CFAP161: variants seen among roughly 807,000 people sequenced by gnomAD.
The protein encoded by CFAP161 is cilia- and flagella-associated protein 161.
CFAP161 carries 25 observed loss-of-function variants against 29.0 expected under a neutral mutation model. The ratio of observed to expected loss-of-function variants is 0.86; its 90% confidence interval spans 0.63 to 1.20. CFAP161 has a LOEUF of 1.20. CFAP161 is among the 50% of genes most tolerant of loss of function. The pLI is 0.00. For synonymous variants in CFAP161, 116 were observed against 137.4 expected (o/e 0.84, Z 1.09); for missense variants, 367 against 371.9 (o/e 0.99, Z 0.11).
At chr15:81,148,009 T>G in intron 6 of CFAP161, 78 bp downstream of exon 6, 2 of 1,152,408 alleles carry the variant, frequency 1.7e-6, no homozygotes, top group Non-Finnish European at 1.3e-6. Flanking sequence ...GCTCAATTGA[T>G]AGTGTATGGC....
intron 4 of CFAP161, 58 bp from the exon 5 acceptor site, chr15:81,143,604 T>C: frequency 6.5e-7 from 1 of 1,550,374 alleles, no homozygotes; most frequent in Non-Finnish European, 8.8e-7. Flanking sequence ...ATTGCTTCTT[T>C]ATTCTCCAGC....
At chr15:81,134,511 G>A in intron 1 of CFAP161, 113 bp downstream of exon 1, 1 of 1,041,956 alleles carries the variant, frequency 9.6e-7, no homozygotes, top group Non-Finnish European at 1.4e-6. Context: ...CCAGCATACA[G>A]CGAATACCTC....
chr15:81,129,647 A>G (rs762641256), upstream of CFAP161, among the ~76,000 whole-genome samples: 2 of 152,228 alleles, frequency 1.3e-5, no homozygotes, highest in Non-Finnish European at 2.9e-5. Flanking sequence ...GCCAAACCAT[A>G]TCACCTAGGA....
intron 4 of CFAP161, among the ~76,000 whole-genome samples, chr15:81,140,679 C>T (rs1236363808): frequency 1.3e-5 from 2 of 152,070 alleles, no homozygotes; most frequent in Admixed American, 1.3e-4. Context: ...CTGCCTCAGC[C>T]TCCTGAGTAG....
At chr15:81,132,145 C>G (rs1366784829), upstream of CFAP161, among the ~76,000 whole-genome samples, 1 of 152,090 alleles carries the variant, frequency 6.6e-6, no homozygotes, top group African/African-American at 2.4e-5. Context: ...GGCATGGTGG[C>G]ACATGCCTTT....
At chr15:81,110,858 G>A (rs59632975) in intron 1 of CFAP161, among the ~76,000 whole-genome samples, 13,213 of 152,140 alleles carry the variant, frequency 0.087, 682 homozygotes, top group East Asian at 0.17. Flanking sequence ...GCTGGGCTGC[G>A]GAGAAGCAAA....
chr15:81,138,548 A>G (rs1894851781), intron 4 of CFAP161, among the ~76,000 whole-genome samples: 1 of 152,166 alleles, frequency 6.6e-6, no homozygotes, highest in Non-Finnish European at 1.5e-5. Context: ...TTTGCTTAGT[A>G]TGGGAGTAGG....
chr15:81,135,605 G>T (rs1285397663), intron 2 of CFAP161, among the ~76,000 whole-genome samples: 35 of 147,610 alleles, frequency 2.4e-4, no homozygotes, highest in Admixed American at 7.0e-5. Flanking sequence ...CTATGAGTGA[G>T]AATATGCGGT....
upstream of CFAP161, among the ~76,000 whole-genome samples, chr15:81,131,386 A>G (rs1324845502): frequency 6.6e-6 from 1 of 152,204 alleles, no homozygotes; most frequent in Non-Finnish European, 1.5e-5. Flanking sequence ...AGCAGCCATT[A>G]TAAATATGTT....
chr15:81,125,256 T>A (rs1196736142), intron 1 of CFAP161, among the ~76,000 whole-genome samples: 1 of 152,176 alleles, frequency 6.6e-6, no homozygotes, highest in Non-Finnish European at 1.5e-5. Flanking sequence ...TCCCTATTAA[T>A]CATTTTAATA....
intron 1 of CFAP161, among the ~76,000 whole-genome samples, chr15:81,107,902 C>T (rs1236612162): frequency 6.6e-6 from 1 of 151,718 alleles, no homozygotes; most frequent in African/African-American, 2.4e-5. Context: ...TTTCTTTCTC[C>T]TTTCCTCCCC....
chr15:81,142,980 C>T (rs545129665), intron 4 of CFAP161, among the ~76,000 whole-genome samples: 1 of 152,244 alleles, frequency 6.6e-6, no homozygotes, highest in African/African-American at 2.4e-5. Flanking sequence ...ATTCATTTCA[C>T]GTGATGAGTT....
intron 1 of CFAP161, among the ~76,000 whole-genome samples, chr15:81,107,718 T>C (rs1223612294): frequency 6.6e-6 from 1 of 151,898 alleles, no homozygotes; most frequent in Non-Finnish European, 1.5e-5. Flanking sequence ...AGAGTGAAAC[T>C]CAGTCTCAAA....
upstream of CFAP161, chr15:81,134,228 T>A: frequency 2.9e-6 from 4 of 1,390,126 alleles, no homozygotes; most frequent in Non-Finnish European, 4.0e-6. Context: ...GCCAGCAGGG[T>A]CCCAGACCTT....
intron 1 of CFAP161, among the ~76,000 whole-genome samples, chr15:81,100,396 G>A (rs923653173): frequency 3.3e-5 from 5 of 151,680 alleles, no homozygotes; most frequent in Admixed American, 6.6e-5. Context: ...GAGGCATATT[G>A]AGACCTTACA....
At chr15:81,146,706 G>T (rs557478773) in intron 5 of CFAP161, among the ~76,000 whole-genome samples, 28 of 151,264 alleles carry the variant, frequency 1.9e-4, no homozygotes, top group Non-Finnish European at 3.5e-4. Context: ...TTTTGTCATT[G>T]TGTGGACATT....
intron 4 of CFAP161, among the ~76,000 whole-genome samples, chr15:81,140,193 G>A (rs1894883002): frequency 1.3e-5 from 2 of 151,984 alleles, no homozygotes; most frequent in Admixed American, 6.6e-5. Flanking sequence ...CTTTTAAATT[G>A]TAGTTGTTCT....
intron 1 of CFAP161, among the ~76,000 whole-genome samples, chr15:81,124,071 C>T (rs1894609604): frequency 6.6e-6 from 1 of 152,128 alleles, no homozygotes; most frequent in South Asian, 2.1e-4. Flanking sequence ...ACTTCCAATA[C>T]TATGTTGAAT....
chr15:81,120,086 A>G (rs1362412688), intron 1 of CFAP161, among the ~76,000 whole-genome samples: 1 of 152,158 alleles, frequency 6.6e-6, no homozygotes, highest in Non-Finnish European at 1.5e-5. Context: ...TTATCTTCAT[A>G]AAATGTAAAA....
Sources: gnomAD v4.1 joint callset for allele counts (sites outside exome capture counted in the v4.1 genomes callset) on GRCh38, gnomAD v4.1.1 for gene constraint, MANE v1.5 for transcripts, NCBI Gene and HGNC (gene_info 2026-07-23, HGNC 2026-07-21) for gene names.